Variants in SECISBP2L observed in about 807,000 individuals in gnomAD.
SECISBP2L encodes SECIS binding protein 2 like, also known as selenocysteine insertion sequence-binding protein 2-like.
A neutral mutation model predicts 114.7 loss-of-function variants in SECISBP2L; 43 were observed. That is an observed-to-expected ratio of 0.38 (90% confidence interval 0.29 to 0.48). The LOEUF (loss-of-function observed/expected upper bound fraction) is 0.48, where lower values mean the gene tolerates loss of function less well. Among genes scored for constraint, SECISBP2L ranks in the 20% least tolerant of loss-of-function variants. SECISBP2L has a pLI of 0.98. For missense variants in SECISBP2L, 1,136 were observed against 1,301.1 expected, an observed-to-expected ratio of 0.87 and a Z score of 1.95; for synonymous variants, 451 against 439.7, an observed-to-expected ratio of 1.03 and a Z score of -0.32.
intron 5 of SECISBP2L, 101 bp downstream of exon 5, chr15:49,028,352 G>C: frequency 1.7e-6 from 2 of 1,147,334 alleles, no homozygotes; most frequent in Non-Finnish European, 2.5e-6. Context: ...TATTACTACA[G>C]GAATTGCTAA....
chr15:49,002,840 GT>G (rs1181911426), intron 14 of SECISBP2L, among the ~76,000 whole-genome samples: 1 of 152,184 alleles, frequency 6.6e-6, no homozygotes, highest in Non-Finnish European at 1.5e-5. Flanking sequence ...GTACCATGCT[GT>G]TTTGGTTACT....
At chr15:48,996,985 A>C (rs139281116) in intron 16 of SECISBP2L, among the ~76,000 whole-genome samples, 1 of 152,216 alleles carries the variant, frequency 6.6e-6, no homozygotes, top group Non-Finnish European at 1.5e-5. Context: ...AATGCAAGGC[A>C]TAACACCTTA....
At chr15:49,044,035 T>A (rs1206126127) in intron 1 of SECISBP2L, among the ~76,000 whole-genome samples, 1 of 152,130 alleles carries the variant, frequency 6.6e-6, no homozygotes. Context: ...GCAGAAAGTC[T>A]ATATTAAGTA....
chr15:49,006,189 T>C (rs1902320237), intron 14 of SECISBP2L, among the ~76,000 whole-genome samples: 1 of 152,204 alleles, frequency 6.6e-6, no homozygotes, highest in Non-Finnish European at 1.5e-5. Context: ...CATTTTTTCC[T>C]TCATTTCAAC....
Position 48,992,909 on chromosome 15 carries a change from T to C in SECISBP2L, c.2641A>G (p.Met881Val), listed in dbSNP as rs1205488299. The change falls in exon 18 of 18, where the codon ATG becomes GTG. Residue 881 changes from methionine (M) to valine (V), a missense_variant. Physicochemically the swap from Met to Val is conservative, Grantham distance 21. Around this residue, in one of 2 missense-constraint regions of SECISBP2L, gnomAD observed 684 missense variants for 848.7 expected, o/e 0.81. Coordinates refer to ENST00000559471, the MANE Select transcript of SECISBP2L (RefSeq NM_001193489.2). ...EKEYETNWRN[M>V]VETSDGLEAS... ...TCCAGTCCATCTGAAGTTTCCACCATGTTTCTCCAATTTGTTTCTACAAGT... is the reference window on the plus strand; with the variant it reads ...TCCAGTCCATCTGAAGTTTCCACCACGTTTCTCCAATTTGTTTCTACAAGT... 2 of 1,611,820 alleles carry C rather than the reference T, an allele frequency of 1.2e-6. No homozygotes were observed. The highest frequency in any genetic ancestry group is 1.7e-5 in the Admixed American group (1 of 59,826).
At chr15:48,993,688 T>A (rs1184027546) in intron 17 of SECISBP2L, among the ~76,000 whole-genome samples, 1 of 149,240 alleles carries the variant, frequency 6.7e-6, no homozygotes, top group African/African-American at 2.4e-5. Context: ...TGTTTTATAA[T>A]ATATATATAT....
chr15:49,030,485 G>A (rs1257078351), intron 4 of SECISBP2L, among the ~76,000 whole-genome samples: 1 of 152,172 alleles, frequency 6.6e-6, no homozygotes, highest in Non-Finnish European at 1.5e-5. Flanking sequence ...CCCAAGGACA[G>A]GGTGGGATCA....
rs1903038465 is a variant in SECISBP2L, at chr15:49,037,605, T to C, written c.189A>G (p.Glu63=). The change falls in exon 2 of 18, where the codon GAA becomes GAG. Residue 63 remains glutamate (E), a synonymous_variant. Transcript: ENST00000559471. ...AAACAAATTACCTATTGGACTGGTT[T>C]TCCTGCACAAATGGGTAACAAGTAA... ...YLITCYPFVQ[E]NQSNRQFPLY... 1 of 1,613,426 alleles carries C rather than the reference T, an allele frequency of 6.2e-7. No homozygotes were observed. Among genetic ancestry groups the C allele is most frequent in the African/African-American group, 1.3e-5 (1 of 75,038 alleles).
chr15:49,030,737 A>T (rs1769177260), intron 4 of SECISBP2L, among the ~76,000 whole-genome samples: 1 of 152,214 alleles, frequency 6.6e-6, no homozygotes, highest in African/African-American at 2.4e-5. Flanking sequence ...ATGGGGCATA[A>T]ATCAGTAATG....
rs1566858112 is a variant in SECISBP2L, at chr15:49,019,399, TAG to T, written c.1170+17_1170+18del. On this transcript the variant is annotated intron_variant, in intron 8 of 17. Transcript: ENST00000559471. ...AACATTTCCTATAACAGCTTACAAA[TAG>T]AGTTTGAAAAAAATACCTCAAAATA... The T allele has an allele frequency of 7.1e-7, 1 of 1,411,318 alleles. No individual in the cohort carries two copies. Among genetic ancestry groups the T allele is most frequent in the Admixed American group, 3.4e-5 (1 of 29,772 alleles). 87.4% of individuals were successfully genotyped at this position (1,411,318 alleles called of 1,614,324 possible). A position where few individuals can be genotyped will look rare whatever the true frequency, so the allele number is the denominator to read the frequency against.
intron 14 of SECISBP2L, among the ~76,000 whole-genome samples, chr15:49,008,159 A>G (rs1329555475): frequency 6.6e-6 from 1 of 152,202 alleles, no homozygotes; most frequent in Non-Finnish European, 1.5e-5. Context: ...TTTCTTATCT[A>G]TGAATAACCA....
chr15:49,036,069 G>A (rs1433100706), intron 2 of SECISBP2L, among the ~76,000 whole-genome samples: 1 of 152,186 alleles, frequency 6.6e-6, no homozygotes, highest in Admixed American at 6.6e-5. Flanking sequence ...TGACCATTGT[G>A]TAAGGTGATC....
At chr15:49,000,064 T>C in intron 15 of SECISBP2L, 77 bp from the exon 16 acceptor site, 3 of 1,484,442 alleles carry the variant, frequency 2.0e-6, no homozygotes, top group Non-Finnish European at 2.8e-6. Flanking sequence ...AGCTAAAGCA[T>C]AAAACATCGC....
chr15:48,992,892 A>G lies in SECISBP2L; in HGVS notation c.2658T>C (p.Asp886=). ...TNWRNMVETS[D]GLEASENEKE... ...TCTCATTTTCTGATGCTTCCAGTCCATCTGAAGTTTCCACCATGTTTCTCC... is the reference window on the plus strand; with the variant it reads ...TCTCATTTTCTGATGCTTCCAGTCCGTCTGAAGTTTCCACCATGTTTCTCC... Residue 886 remains aspartate (D), a synonymous_variant, in exon 18 of 18, where the codon GAT becomes GAC. Coordinates refer to ENST00000559471, the MANE Select transcript of SECISBP2L (RefSeq NM_001193489.2). The G allele has an allele frequency of 6.2e-7, 1 of 1,613,442 alleles. No individual in the cohort carries two copies. The highest frequency in any genetic ancestry group is 8.5e-7 in the Non-Finnish European group (1 of 1,179,424).
intron 1 of SECISBP2L, among the ~76,000 whole-genome samples, chr15:49,044,378 C>A (rs1164996178): frequency 6.6e-6 from 1 of 152,138 alleles, no homozygotes; most frequent in Non-Finnish European, 1.5e-5. Context: ...GTTAATGGTT[C>A]TTAGCCGTCC....
intron 14 of SECISBP2L, among the ~76,000 whole-genome samples, chr15:49,003,240 G>C (rs1902247239): frequency 1.3e-5 from 2 of 152,084 alleles, no homozygotes; most frequent in Non-Finnish European, 2.9e-5. Context: ...CTCATTATTT[G>C]GCTATTATTG....
At chr15:49,028,829 G>GGTAA (rs1167647499) in intron 4 of SECISBP2L, 147 bp from the exon 5 acceptor site, 7 of 686,948 alleles carry the variant, frequency 1.0e-5, no homozygotes, top group Non-Finnish European at 1.5e-5. Flanking sequence ...GTCATTAAAA[G>GGTAA]GTAAGATGTT....
At position 49,028,264 on chromosome 15, in the gene SECISBP2L, G is replaced by A. The variant is rs1000688321; in HGVS notation, c.895-96C>T. ...TATAATTTATCCTAGTGTGAAGCAT[G>A]CATATCACAATATTATCATACTTCT... On this transcript the variant is annotated intron_variant, in intron 5 of 17. Coordinates refer to ENST00000559471, the MANE Select transcript of SECISBP2L (RefSeq NM_001193489.2). 9 of 1,084,884 alleles carry A rather than the reference G, an allele frequency of 8.3e-6. No homozygotes were observed. In the South Asian group the frequency reaches 9.3e-5, roughly 11 times the overall value. 67.2% of individuals were successfully genotyped at this position (1,084,884 alleles called of 1,614,324 possible). A position where few individuals can be genotyped will look rare whatever the true frequency, so the allele number is the denominator to read the frequency against.
chr15:48,994,368 G>A (rs938214004), intron 17 of SECISBP2L, among the ~76,000 whole-genome samples: 2 of 152,032 alleles, frequency 1.3e-5, no homozygotes, highest in Non-Finnish European at 2.9e-5. Context: ...CTTCGTAACC[G>A]GTTTTGTGAA....
Sources: allele counts gnomAD v4.1 joint callset (sites outside exome capture counted in the v4.1 genomes callset), GRCh38; gene constraint gnomAD v4.1.1; regional missense constraint gnomAD v4.1.1; transcripts MANE v1.5; gene names NCBI Gene and HGNC (gene_info 2026-07-23, HGNC 2026-07-21).